The following SLC22A24 variants were observed in gnomAD, a reference collection of about 807,000 sequenced individuals.
SLC22A24 encodes solute carrier family 22 member 24, also known as steroid transmembrane transporter SLC22A24.
A neutral mutation model predicts 49.8 loss-of-function variants in SLC22A24; 53 were observed. The ratio of observed to expected loss-of-function variants is 1.06; its 90% CI spans 0.85 to 1.34. The LOEUF (loss-of-function observed/expected upper bound fraction) is 1.34, where lower values mean the gene tolerates loss of function less well. Ranked by LOEUF, SLC22A24 falls within the 40% of genes most tolerant of loss-of-function variation. SLC22A24 has a pLI of 0.00. For synonymous variants in SLC22A24, 302 were observed against 256.4 expected, an observed-to-expected ratio of 1.18 and a Z score of -1.70; for missense variants, 786 against 675.9, an observed-to-expected ratio of 1.16 and a Z score of -1.81.
intron 4 of SLC22A24, among the ~76,000 whole-genome samples, chr11:63,110,437 G>C (rs1477397837): frequency 1.3e-5 from 2 of 150,680 alleles, no homozygotes; most frequent in Non-Finnish European, 3.0e-5. Context: ...ATTATCTTGG[G>C]CAGTATGGCC....
chr11:63,132,259 C>T (rs1049594412), intron 2 of SLC22A24, among the ~76,000 whole-genome samples: 1 of 152,088 alleles, frequency 6.6e-6, no homozygotes, highest in African/African-American at 2.4e-5. Flanking sequence ...TTGTTATTAC[C>T]AACCTTCTGA....
At chr11:63,113,101 T>TACACATATATATAC in intron 4 of SLC22A24, among the ~76,000 whole-genome samples, 1 of 2,856 alleles carries the variant, frequency 3.5e-4, no homozygotes, top group African/African-American at 4.2e-4. Flanking sequence ...CATATATATA[T>TACACATATATATAC]ACATATATAT....
intron 2 of SLC22A24, among the ~76,000 whole-genome samples, chr11:63,124,208 C>G (rs989154920): frequency 2.0e-5 from 3 of 152,128 alleles, no homozygotes; most frequent in Non-Finnish European, 4.4e-5. Flanking sequence ...AGGGATACAG[C>G]AGCCAGATCT....
intron 6 of SLC22A24, among the ~76,000 whole-genome samples, chr11:63,087,948 G>T (rs542617717): frequency 6.6e-6 from 1 of 152,216 alleles, no homozygotes; most frequent in Non-Finnish European, 1.5e-5. Flanking sequence ...CCCTGGAAGA[G>T]AACACCTGGG....
intron 4 of SLC22A24, chr11:63,116,403 T>C (rs1203378972): frequency 2.9e-5 from 5 of 170,654 alleles, no homozygotes; most frequent in African/African-American, 1.2e-4. Flanking sequence ...GATTTTTTTT[T>C]CAACACTTTG....
intron 1 of SLC22A24, chr11:63,137,925 TCTGTCTTGGTAAATAGTAAA>T (rs2087387171): frequency 2.0e-5 from 3 of 152,232 alleles, no homozygotes; most frequent in Admixed American, 2.0e-4. Flanking sequence ...TCTGTCTTTC[TCTGTCTTGGTAAATAGTAAA>T]CTATCTGTCT....
At chr11:63,106,215 G>T (rs1034427360) in intron 4 of SLC22A24, among the ~76,000 whole-genome samples, 3 of 151,782 alleles carry the variant, frequency 2.0e-5, no homozygotes, top group African/African-American at 7.3e-5. Flanking sequence ...AGTTTGCTGA[G>T]AACGATGGTT....
At chr11:63,113,542 G>T (rs1590740551) in intron 4 of SLC22A24, among the ~76,000 whole-genome samples, 1 of 151,840 alleles carries the variant, frequency 6.6e-6, no homozygotes, top group Non-Finnish European at 1.5e-5. Context: ...TGAAATTCTG[G>T]GGTTGAAAAT....
At chr11:63,135,738 T>G (rs1330880638) in intron 1 of SLC22A24, among the ~76,000 whole-genome samples, 2 of 152,242 alleles carry the variant, frequency 1.3e-5, no homozygotes, top group Admixed American at 6.5e-5. Flanking sequence ...AGTGATTTTC[T>G]TATTTGAGTT....
intron 4 of SLC22A24, chr11:63,116,091 A>C: frequency 2.6e-6 from 1 of 383,618 alleles, no homozygotes; most frequent in Non-Finnish European, 4.7e-6. Context: ...TGGGATCTTG[A>C]GCTTAACTTC....
rs1565332193 is a variant in SLC22A24 at position 63,113,143 on chromosome 11, TATATATATACATATATATATACAC to T, written c.830+5745_830+5768del. ...ATATATATACATATATATATACACA[TATATATATACATATATATATACAC>T]ATATATATACATATATATATACACA... On this transcript the variant is annotated intron_variant, in intron 4 of 9. Coordinates refer to ENST00000612278, the MANE Select transcript of SLC22A24 (RefSeq NM_001136506.2). Among the ~76,000 whole-genome samples, 11 of 5,076 alleles carry T rather than the reference TATATATATACATATATATATACAC, an allele frequency of 2.2e-3. 3 individuals are homozygous for T. Among genetic ancestry groups the T allele is most frequent in the Non-Finnish European group, 2.4e-3 (6 of 2,528 alleles). The allele number at this position is 5,076 out of a possible 152,430, so 3.3% of individuals were successfully genotyped here. A position where few individuals can be genotyped will look rare whatever the true frequency, so the allele number is the denominator to read the frequency against.
At chr11:63,091,289 G>A (rs1007157514) in intron 6 of SLC22A24, among the ~76,000 whole-genome samples, 1 of 152,134 alleles carries the variant, frequency 6.6e-6, no homozygotes, top group African/African-American at 2.4e-5. Context: ...AAAAGGGCAA[G>A]GACCAGAGAG....
intron 4 of SLC22A24, among the ~76,000 whole-genome samples, chr11:63,108,393 C>A (rs936383728): frequency 1.3e-5 from 2 of 151,908 alleles, no homozygotes; most frequent in Non-Finnish European, 2.9e-5. Flanking sequence ...GTCTAAAATT[C>A]TTTTTTTGTT....
chr11:63,101,867 A>G (rs556779918), intron 5 of SLC22A24, among the ~76,000 whole-genome samples: 14 of 152,254 alleles, frequency 9.2e-5, no homozygotes, highest in African/African-American at 3.4e-4. Flanking sequence ...TCTCAGGAAC[A>G]TTTGTGGGAG....
intron 6 of SLC22A24, among the ~76,000 whole-genome samples, chr11:63,092,214 CAAG>C (rs1213972864): frequency 2.6e-5 from 4 of 151,882 alleles, no homozygotes; most frequent in African/African-American, 9.7e-5. Flanking sequence ...GGGACTTCTT[CAAG>C]AAGAACTACA....
At chr11:63,104,861 C>G (rs931525613) in intron 4 of SLC22A24, among the ~76,000 whole-genome samples, 1 of 152,164 alleles carries the variant, frequency 6.6e-6, no homozygotes, top group Non-Finnish European at 1.5e-5. Context: ...CCCAACAGTC[C>G]CCCAAAGTCT....
At chr11:63,110,903 G>C (rs1380972868) in intron 4 of SLC22A24, among the ~76,000 whole-genome samples, 2 of 150,680 alleles carry the variant, frequency 1.3e-5, no homozygotes, top group Non-Finnish European at 3.0e-5. Flanking sequence ...GGAGTGGTGA[G>C]AGAGGGCATC....
rs561116947 is a variant in SLC22A24, at chr11:63,128,000, G to A, written c.506+6665C>T. Among the ~76,000 whole-genome samples, 10 of 145,116 alleles carry A rather than the reference G, an allele frequency of 6.9e-5. No homozygotes were observed. The South Asian group carries it at 1.9e-3, about 27-fold the overall frequency. ...GTGGGCGGCAAGCCACCCAGGCACC[G>A]ACGCAAGAGACTGAGAGCAGGAGCT... On this transcript the variant is annotated intron_variant, in intron 2 of 9. Coordinates refer to ENST00000612278, the MANE Select transcript of SLC22A24 (RefSeq NM_001136506.2).
At chr11:63,133,444 G>C (rs2087351156) in intron 2 of SLC22A24, among the ~76,000 whole-genome samples, 1 of 152,046 alleles carries the variant, frequency 6.6e-6, no homozygotes, top group Non-Finnish European at 1.5e-5. Flanking sequence ...CAGCCATCTT[G>C]GAAGTGATCC....
Sources: allele counts gnomAD v4.1 joint callset (sites outside exome capture counted in the v4.1 genomes callset), GRCh38; gene constraint gnomAD v4.1.1; transcripts MANE v1.5; gene names NCBI Gene and HGNC (gene_info 2026-07-23, HGNC 2026-07-21).